Variants in KLRG2 observed in about 807,000 individuals in gnomAD.
The protein encoded by KLRG2 is killer cell lectin like receptor G2.
Under a neutral mutation model 35.4 loss-of-function variants are expected in KLRG2, and 39 were observed. That is an observed-to-expected ratio of 1.10 (90% CI 0.85 to 1.44). KLRG2 has a LOEUF of 1.44. Ranked by LOEUF, KLRG2 falls within the 40% of genes most tolerant of loss-of-function variation. KLRG2 has a pLI of 0.00. For synonymous variants in KLRG2, 283 were observed against 265.8 expected, an observed-to-expected ratio of 1.06 and a Z score of -0.63; for missense variants, 632 against 570.9, an observed-to-expected ratio of 1.11 and a Z score of -1.09.
chr7:139,445,095 T>G, the KLRG2 span, among the ~76,000 whole-genome samples: 3 of 143,316 alleles, frequency 2.1e-5, no homozygotes, highest in African/African-American at 8.5e-5. Flanking sequence ...TTTTTTTTTT[T>G]CGAGTTGGAG....
chr7:139,474,233 G>A (rs945293822), intron 3 of KLRG2, among the ~76,000 whole-genome samples: 1 of 151,764 alleles, frequency 6.6e-6, no homozygotes, highest in South Asian at 2.1e-4. Flanking sequence ...ACCATGTTGC[G>A]TAGGCTGATC....
the KLRG2 span, among the ~76,000 whole-genome samples, chr7:139,445,765 A>ATATATATATG: frequency 2.5e-5 from 3 of 118,752 alleles, no homozygotes; most frequent in African/African-American, 1.6e-4. Context: ...ATATATGTGT[A>ATATATATATG]TGTATATATA....
chr7:139,466,374 A>G (rs1796654099), intron 3 of KLRG2, among the ~76,000 whole-genome samples: 1 of 152,240 alleles, frequency 6.6e-6, no homozygotes, highest in Non-Finnish European at 1.5e-5. Context: ...ATACAGTCTG[A>G]TAATGGACCG....
intron 3 of KLRG2, among the ~76,000 whole-genome samples, chr7:139,464,956 T>C (rs537817930): frequency 6.6e-6 from 1 of 152,360 alleles, no homozygotes; most frequent in South Asian, 2.1e-4. Flanking sequence ...ACAATTACCA[T>C]TGTTACTGGC....
the KLRG2 span, among the ~76,000 whole-genome samples, chr7:139,445,603 C>T: frequency 2.6e-5 from 4 of 150,974 alleles, no homozygotes; most frequent in African/African-American, 7.4e-5. Flanking sequence ...CCAGATCTGA[C>T]GTTCTGGAAT....
the KLRG2 span, among the ~76,000 whole-genome samples, chr7:139,429,583 GC>G: frequency 6.6e-6 from 1 of 151,360 alleles, no homozygotes; most frequent in Non-Finnish European, 1.5e-5. Context: ...CTCTTAACGA[GC>G]ATGCTGCCTT....
chr7:139,445,226 G>A, the KLRG2 span, among the ~76,000 whole-genome samples: 1 of 151,880 alleles, frequency 6.6e-6, no homozygotes, highest in South Asian at 2.1e-4. Context: ...AATTACAGGT[G>A]CCCACCATTG....
At chr7:139,450,924 G>A (rs1328390107), downstream of KLRG2, among the ~76,000 whole-genome samples, 3 of 152,174 alleles carry the variant, frequency 2.0e-5, no homozygotes, top group Non-Finnish European at 2.9e-5. Flanking sequence ...TCTAGCTTAT[G>A]TGGTCCTTTA....
chr7:139,447,736 A>T (rs1256502621), downstream of KLRG2, among the ~76,000 whole-genome samples: 1 of 152,012 alleles, frequency 6.6e-6, no homozygotes, highest in African/African-American at 2.4e-5. Flanking sequence ...ACACCCAGTT[A>T]AAACAGTTGA....
rs955596218 is a variant in KLRG2 at position 139,483,385 on chromosome 7, G to T, written c.258C>A (p.Gly86=). ...ACGGCGGCTCGGGGCAGACCCCGTAGCCCAGGCTGAGCGGCGGCACGCGCG... is the reference window on the plus strand; with the variant it reads ...ACGGCGGCTCGGGGCAGACCCCGTATCCCAGGCTGAGCGGCGGCACGCGCG... ...GSPRVPPLSL[G]YGVCPEPPSP... is the part of the protein sequence containing the mutation. The change falls in exon 1 of 5, where the codon GGC becomes GGA. Residue 86 remains glycine (G), a synonymous_variant. Coordinates refer to ENST00000340940, the MANE Select transcript of KLRG2 (RefSeq NM_198508.4). The T allele has an allele frequency of 1.3e-6, 2 of 1,540,106 alleles. No homozygotes were observed. Among genetic ancestry groups the T allele is most frequent in the East Asian group, 5.0e-5 (2 of 40,268 alleles).
At chr7:139,463,502 G>A (rs572498654) in intron 3 of KLRG2, among the ~76,000 whole-genome samples, 219 of 152,272 alleles carry the variant, frequency 1.4e-3, no homozygotes, top group African/African-American at 4.4e-3. Flanking sequence ...CCTAAGCCGC[G>A]CACACCTAAG....
chr7:139,463,754 C>T (rs1569412277), intron 3 of KLRG2, among the ~76,000 whole-genome samples: 1 of 152,224 alleles, frequency 6.6e-6, no homozygotes, highest in Non-Finnish European at 1.5e-5. Context: ...CTTGACTTAG[C>T]GGCTGACGAC....
At chr7:139,449,140 G>A (rs1025808546), downstream of KLRG2, among the ~76,000 whole-genome samples, 4 of 148,878 alleles carry the variant, frequency 2.7e-5, no homozygotes, top group South Asian at 2.1e-4. Flanking sequence ...GGTGGCTCAC[G>A]CCTGTAATCC....
At chr7:139,437,425 CAAAAAAA>C in the KLRG2 span, among the ~76,000 whole-genome samples, 14,854 of 72,842 alleles carry the variant, frequency 0.2, 1,005 homozygotes, top group Middle Eastern at 0.34. Flanking sequence ...ACTCCATCTC[CAAAAAAA>C]AAAAAAAAAA....
At chr7:139,433,525 C>T in the KLRG2 span, among the ~76,000 whole-genome samples, 3 of 151,958 alleles carry the variant, frequency 2.0e-5, no homozygotes, top group African/African-American at 7.3e-5. Context: ...GGGGTTTCTC[C>T]ATGTTGGTCA....
At chr7:139,472,117 C>T (rs1431333329) in intron 3 of KLRG2, among the ~76,000 whole-genome samples, 1 of 152,168 alleles carries the variant, frequency 6.6e-6, no homozygotes, top group Non-Finnish European at 1.5e-5. Flanking sequence ...GAAACTCCCT[C>T]CCCTCCCTAT....
chr7:139,451,974 T>A (rs1296198243), downstream of KLRG2, among the ~76,000 whole-genome samples: 1 of 149,080 alleles, frequency 6.7e-6, no homozygotes, highest in Non-Finnish European at 1.5e-5. Context: ...TCCTTTTTTT[T>A]TTTTTTTTTT....
chr7:139,427,148 A>T, the KLRG2 span, among the ~76,000 whole-genome samples: 1 of 152,086 alleles, frequency 6.6e-6, no homozygotes, highest in African/African-American at 2.4e-5. Context: ...AAGGTTAGAG[A>T]GCTGAGAGAA....
chr7:139,459,672 T>C (rs935642692), intron 3 of KLRG2, among the ~76,000 whole-genome samples: 1 of 152,158 alleles, frequency 6.6e-6, no homozygotes, highest in African/African-American at 2.4e-5. Flanking sequence ...ATTCACAGCA[T>C]ATATTATTTG....
Sources: gnomAD v4.1 joint callset for allele counts (sites outside exome capture counted in the v4.1 genomes callset) on GRCh38, gnomAD v4.1.1 for gene constraint, MANE v1.5 for transcripts, NCBI Gene and HGNC (gene_info 2026-07-23, HGNC 2026-07-21) for gene names.